The following LMNTD1 variants were observed in gnomAD, a reference collection of about 807,000 sequenced individuals.
The protein encoded by LMNTD1 is lamin tail domain containing 1.
In LMNTD1, 35 loss-of-function variants were observed where a neutral mutation model predicts 50.9. The observed-to-expected ratio is 0.69, with a 90% CI of 0.53 to 0.91. The LOEUF (loss-of-function observed/expected upper bound fraction) is 0.91, where lower values mean the gene tolerates loss of function less well. LMNTD1 is among the 40% of genes least tolerant of loss of function. LMNTD1 has a pLI of 0.00. For synonymous variants in LMNTD1, 153 were observed against 161.9 expected (o/e 0.94, Z 0.42); for missense variants, 470 against 475.5 (o/e 0.99, Z 0.11).
intron 6 of LMNTD1, among the ~76,000 whole-genome samples, chr12:25,524,227 A>G (rs181152317): frequency 3.9e-5 from 6 of 152,302 alleles, no homozygotes; most frequent in African/African-American, 1.4e-4. Flanking sequence ...ATTACTTATT[A>G]TTACATATCA....
At chr12:25,621,334 T>C (rs1452667255) in intron 1 of LMNTD1, among the ~76,000 whole-genome samples, 2 of 152,142 alleles carry the variant, frequency 1.3e-5, no homozygotes, top group East Asian at 3.8e-4. Flanking sequence ...AAGCAATCCT[T>C]ACACCTTAGA....
chr12:25,635,875 A>C (rs1005181231), intron 1 of LMNTD1, among the ~76,000 whole-genome samples: 9 of 152,148 alleles, frequency 5.9e-5, no homozygotes, highest in African/African-American at 2.2e-4. Context: ...CAAAAACATA[A>C]ATTGGAGAAA....
chr12:25,637,729 A>T (rs1946865432), intron 1 of LMNTD1, among the ~76,000 whole-genome samples: 1 of 152,168 alleles, frequency 6.6e-6, no homozygotes, highest in African/African-American at 2.4e-5. Context: ...TTCCAATTCA[A>T]CAATAAAAAG....
At chr12:25,573,709 A>G (rs1399929800) in intron 1 of LMNTD1, among the ~76,000 whole-genome samples, 1 of 152,106 alleles carries the variant, frequency 6.6e-6, no homozygotes, top group Non-Finnish European at 1.5e-5. Flanking sequence ...GGAGGATAAA[A>G]CTGACTTCTT....
At chr12:25,531,154 C>A (rs2136119014) in intron 4 of LMNTD1, among the ~76,000 whole-genome samples, 1 of 152,296 alleles carries the variant, frequency 6.6e-6, no homozygotes, top group Admixed American at 6.5e-5. Flanking sequence ...AGCATGGAAG[C>A]AGATTTATTT....
chr12:25,527,664 A>ATATATATATATATATAT (rs1365115218), intron 4 of LMNTD1, among the ~76,000 whole-genome samples: 25 of 25,488 alleles, frequency 9.8e-4, no homozygotes, highest in African/African-American at 2.8e-3. Context: ...ATATATATAT[A>ATATATATATATATATAT]TATATATATA....
intron 9 of LMNTD1, among the ~76,000 whole-genome samples, chr12:25,489,307 C>G (rs1938796250): frequency 6.6e-6 from 1 of 150,506 alleles, no homozygotes; most frequent in African/African-American, 2.4e-5. Flanking sequence ...CCCTCCGAGC[C>G]AGGTGTGGGA....
At chr12:25,496,410 C>T (rs1487229098) in intron 9 of LMNTD1, among the ~76,000 whole-genome samples, 1 of 152,160 alleles carries the variant, frequency 6.6e-6, no homozygotes, top group East Asian at 1.9e-4. Flanking sequence ...TCCATAGTAA[C>T]CATGAACAAA....
At chr12:25,552,324 T>C (rs1027843150) in intron 2 of LMNTD1, among the ~76,000 whole-genome samples, 1 of 151,876 alleles carries the variant, frequency 6.6e-6, no homozygotes, top group African/African-American at 2.4e-5. Flanking sequence ...ACATATTAAA[T>C]GGGAACTTTG....
intron 2 of LMNTD1, among the ~76,000 whole-genome samples, chr12:25,552,335 G>A (rs1943796696): frequency 6.6e-6 from 1 of 151,842 alleles, no homozygotes; most frequent in South Asian, 2.1e-4. Flanking sequence ...GGGAACTTTG[G>A]AGGCCAGGCG....
At chr12:25,486,468 C>T (rs897063047) in intron 9 of LMNTD1, among the ~76,000 whole-genome samples, 35 of 145,208 alleles carry the variant, frequency 2.4e-4, no homozygotes, top group African/African-American at 8.7e-4. Flanking sequence ...AATTTGACTT[C>T]CTCTTTTCCT....
At chr12:25,499,024 G>A (rs983715986) in intron 9 of LMNTD1, among the ~76,000 whole-genome samples, 6 of 152,134 alleles carry the variant, frequency 3.9e-5, no homozygotes, top group African/African-American at 1.2e-4. Context: ...GAATCATCAG[G>A]TCTTGATCAT....
intron 1 of LMNTD1, among the ~76,000 whole-genome samples, chr12:25,612,329 C>CACGCGCGT (rs1555122415): frequency 5.4e-5 from 1 of 18,664 alleles, no homozygotes; most frequent in South Asian, 4.9e-3. Context: ...CACACACACA[C>CACGCGCGT]GCGCTCCCAC....
Position 25,623,553 on chromosome 12 carries a change from C to CAA in LMNTD1, c.58+24939_58+24940dup, listed in dbSNP as rs57326398. On this transcript the variant is annotated intron_variant, in intron 1 of 7. Coordinates refer to the LMNTD1 transcript ENST00000445693. Reference sequence around the variant, plus strand: ...TGGGTGATAGAGCAAGACTCTGTCTCAAAAAAAAAAAAAAAAAAAAAAAAA... The same window carrying CAA: ...TGGGTGATAGAGCAAGACTCTGTCTCAAAAAAAAAAAAAAAAAAAAAAAAAAA... Among the ~76,000 whole-genome samples, 81 of 57,552 alleles carry CAA rather than the reference C, an allele frequency of 1.4e-3. 3 individuals carry two copies. Among genetic ancestry groups the CAA allele is most frequent in the East Asian group, 8.0e-3 (12 of 1,498 alleles). The allele number at this position is 57,552 out of a possible 152,430, so 37.8% of individuals were successfully genotyped here.
At chr12:25,533,592 G>A (rs1425268301) in intron 4 of LMNTD1, among the ~76,000 whole-genome samples, 1 of 152,106 alleles carries the variant, frequency 6.6e-6, no homozygotes. Flanking sequence ...ATAGGTGTTT[G>A]TAGTTGGGGA....
intron 1 of LMNTD1, among the ~76,000 whole-genome samples, chr12:25,566,714 T>G (rs1041178375): frequency 6.6e-6 from 1 of 152,218 alleles, no homozygotes; most frequent in Middle Eastern, 3.4e-3. Context: ...TATAACAAAT[T>G]TGAAGTTAGG....
intron 1 of LMNTD1, among the ~76,000 whole-genome samples, chr12:25,621,215 G>A (rs1427316417): frequency 6.6e-6 from 1 of 152,024 alleles, no homozygotes; most frequent in Admixed American, 6.6e-5. Context: ...CATTGGCAGG[G>A]GTAACTTTTT....
intron 9 of LMNTD1, among the ~76,000 whole-genome samples, chr12:25,489,699 T>C (rs937025408): frequency 6.6e-6 from 1 of 152,150 alleles, no homozygotes; most frequent in Non-Finnish European, 1.5e-5. Context: ...AGAAACTCGC[T>C]TGTAATGAAA....
chr12:25,500,288 C>T (rs1039918434), intron 9 of LMNTD1, among the ~76,000 whole-genome samples: 1 of 152,144 alleles, frequency 6.6e-6, no homozygotes, highest in African/African-American at 2.4e-5. Context: ...GTCCCTCTCT[C>T]TGGGGGTTAA....
Sources: allele counts gnomAD v4.1 joint callset (sites outside exome capture counted in the v4.1 genomes callset), GRCh38; gene constraint gnomAD v4.1.1; transcripts MANE v1.5; gene names NCBI Gene and HGNC (gene_info 2026-07-23, HGNC 2026-07-21).